The following ARMH4 variants were observed in gnomAD, a reference collection of about 807,000 sequenced individuals.
ARMH4 encodes the protein armadillo-like helical domain-containing protein 4.
ARMH4 carries 49 observed loss-of-function variants against 61.9 expected under a neutral mutation model. That is an observed-to-expected ratio of 0.79 (90% confidence interval 0.63 to 1.00). The LOEUF (loss-of-function observed/expected upper bound fraction) is 1.00. Among genes scored for constraint, ARMH4 ranks in the 50% least tolerant of loss-of-function variants. ARMH4 has a pLI of 0.00. For missense variants in ARMH4, 934 were observed against 930.0 expected, an observed-to-expected ratio of 1.00 and a Z score of -0.06; for synonymous variants, 368 against 341.5, an observed-to-expected ratio of 1.08 and a Z score of -0.85.
chr14:58,088,900 T>A lies in ARMH4; in HGVS notation c.2089+7824A>T, dbSNP rs906979927. ...TGTACAGCAACACTTCTGAAAATGC[T>A]CTTTCTCCATCTCCCTACATAAACA... is the stretch of plus-strand genomic sequence containing the variant. On this transcript the variant is annotated intron_variant, in intron 5 of 7. Coordinates refer to ENST00000267485, the MANE Select transcript of ARMH4 (RefSeq NM_001001872.4). 5.5e-4 allele frequency among the ~76,000 whole-genome samples: 83 copies of A among 152,216 alleles called. 1 individual carries two copies. The highest frequency in any genetic ancestry group is 1.9e-3 in the African/African-American group (78 of 41,452).
intron 5 of ARMH4, among the ~76,000 whole-genome samples, chr14:58,072,277 G>A (rs1318102326): frequency 6.6e-6 from 1 of 152,146 alleles, no homozygotes; most frequent in Admixed American, 6.5e-5. Context: ...TTTTTCTGAA[G>A]AGACTTATTG....
intron 5 of ARMH4, among the ~76,000 whole-genome samples, chr14:58,051,459 G>T (rs559859142): frequency 6.6e-6 from 1 of 152,160 alleles, no homozygotes; most frequent in African/African-American, 2.4e-5. Context: ...GTCTAGGCCA[G>T]GACTACTGAA....
chr14:58,097,352 C>A (rs1163802113), intron 4 of ARMH4, among the ~76,000 whole-genome samples: 1 of 152,162 alleles, frequency 6.6e-6, no homozygotes, highest in Non-Finnish European at 1.5e-5. Flanking sequence ...ACTAACAGAA[C>A]TTAAAAGAAG....
intron 1 of ARMH4, among the ~76,000 whole-genome samples, chr14:58,139,999 G>A (rs1246099869): frequency 1.3e-5 from 2 of 152,180 alleles, no homozygotes; most frequent in African/African-American, 2.4e-5. Context: ...GCCAGGCACA[G>A]TGGCTCACAC....
chr14:58,115,898 G>C (rs1053909562), intron 4 of ARMH4, among the ~76,000 whole-genome samples: 2 of 152,036 alleles, frequency 1.3e-5, no homozygotes, highest in Admixed American at 6.6e-5. Flanking sequence ...CAGACACTGG[G>C]GCCTACTTGA....
At chr14:58,098,777 T>A (rs2064509013) in intron 4 of ARMH4, among the ~76,000 whole-genome samples, 1 of 142,954 alleles carries the variant, frequency 7.0e-6, no homozygotes, top group South Asian at 2.8e-4. Flanking sequence ...AGATCTGACT[T>A]TTTTTTTTTT....
intron 4 of ARMH4, among the ~76,000 whole-genome samples, chr14:58,105,926 T>G (rs971904307): frequency 2.0e-5 from 3 of 152,158 alleles, no homozygotes; most frequent in African/African-American, 7.2e-5. Flanking sequence ...TAACCAACAC[T>G]TCTTTTTCAC....
At chr14:58,100,405 G>A (rs542807386) in intron 4 of ARMH4, among the ~76,000 whole-genome samples, 14 of 152,286 alleles carry the variant, frequency 9.2e-5, no homozygotes, top group Middle Eastern at 3.4e-3. Context: ...CTGCTTGGGC[G>A]CAGGCATGGG....
chr14:58,059,130 A>G (rs1351751320), intron 5 of ARMH4, among the ~76,000 whole-genome samples: 1 of 152,246 alleles, frequency 6.6e-6, no homozygotes, highest in Non-Finnish European at 1.5e-5. Context: ...TTAAGGTTGA[A>G]CAAGTAATCT....
chr14:58,112,317 C>G (rs1034515507), intron 4 of ARMH4, among the ~76,000 whole-genome samples: 8 of 67,276 alleles, frequency 1.2e-4, no homozygotes, highest in Non-Finnish European at 6.3e-5. Context: ...TTTTCTTATT[C>G]TATTTTCCCC....
At chr14:58,137,313 TG>T (rs1378109134) in intron 2 of ARMH4, among the ~76,000 whole-genome samples, 2 of 152,160 alleles carry the variant, frequency 1.3e-5, no homozygotes, top group Admixed American at 1.3e-4. Flanking sequence ...AAATGTCCCC[TG>T]GGGGAAGGGG....
chr14:58,133,651 CAGTT>C (rs1887204255), intron 2 of ARMH4, among the ~76,000 whole-genome samples: 1 of 152,144 alleles, frequency 6.6e-6, no homozygotes, highest in South Asian at 2.1e-4. Context: ...TCAACATAAT[CAGTT>C]TGTTAAGAAA....
intron 1 of ARMH4, among the ~76,000 whole-genome samples, chr14:58,143,398 T>TG (rs1311570540): frequency 1.3e-5 from 2 of 152,204 alleles, no homozygotes; most frequent in African/African-American, 4.8e-5. Context: ...CATATGCTGA[T>TG]GGGGGTTTGA....
At position 58,138,182 on chromosome 14, in the gene ARMH4, T is replaced by A. The variant is rs979554071; in HGVS notation, c.1177A>T (p.Thr393Ser). ...GTGGGGGTAAAGGAACTTTGATCAG[T>A]GAAAGCAGGTGATCTCTCATTCCCA... ...AHGNERSPAFTDQSSFTPTSL... is the reference protein window; with the variant it reads ...AHGNERSPAFSDQSSFTPTSL... The change falls in exon 2 of 8, where the codon ACT becomes TCT. Residue 393 changes from threonine to serine, a missense_variant. Coordinates refer to ENST00000267485, the MANE Select transcript of ARMH4 (RefSeq NM_001001872.4). 5 of 1,614,054 alleles carry A rather than the reference T, an allele frequency of 3.1e-6. No homozygotes were observed. Among genetic ancestry groups the A allele is most frequent in the Non-Finnish European group, 4.2e-6 (5 of 1,180,040 alleles).
In ARMH4 at chr14:58,139,039, T is replaced by G; in HGVS notation, c.320A>C (p.Glu107Ala). The G allele has an allele frequency of 6.2e-7, 1 of 1,614,224 alleles. No individual in the cohort carries two copies. The highest frequency in any genetic ancestry group is 8.5e-7 in the Non-Finnish European group (1 of 1,180,042). The change falls in exon 2 of 8, where the codon GAA becomes GCA. Residue 107 changes from glutamate (E) to alanine (A), a missense_variant. Transcript: ENST00000267485. ...AGTAGGTGTGGAAACACCAGGGCGTTCTGTTTGCATGAGCCCAGCTTGTCC... is the reference window on the plus strand; with the variant it reads ...AGTAGGTGTGGAAACACCAGGGCGTGCTGTTTGCATGAGCCCAGCTTGTCC... ...QPGQAGLMQT[E>A]RPGVSTPTES...
At chr14:58,119,136 T>C (rs1275590492) in intron 4 of ARMH4, among the ~76,000 whole-genome samples, 1 of 152,228 alleles carries the variant, frequency 6.6e-6, no homozygotes, top group Non-Finnish European at 1.5e-5. Flanking sequence ...AGGACCAATG[T>C]AATGCTTCCA....
chr14:58,045,348 C>A (rs1398598349), intron 5 of ARMH4, among the ~76,000 whole-genome samples: 1 of 152,034 alleles, frequency 6.6e-6, no homozygotes, highest in Middle Eastern at 3.2e-3. Context: ...CATTCTCAGC[C>A]AACTATCGCA....
rs758175485 is a variant in ARMH4, at chr14:58,138,527, CG to C, written c.831del (p.Glu278SerfsTer4). The C allele has an allele frequency of 8.1e-6, 13 of 1,614,082 alleles. No homozygotes were observed. The African/African-American group carries it at 1.3e-4, about 17-fold the overall frequency. On this transcript the variant is annotated frameshift_variant, in exon 2 of 8. Transcript: ENST00000267485. LOFTEE classifies it high-confidence loss of function. ...AAATKQPLET[S>X]EYTLSVEPET... is the part of the protein sequence containing the mutation. ...TCTGGCTCAACACTCAGGGTGTACT[CG>C]GAAGTTTCGAGTGGTTGCTTGGTGG...
chr14:58,062,648 A>G (rs1436714096), intron 5 of ARMH4, among the ~76,000 whole-genome samples: 5 of 152,226 alleles, frequency 3.3e-5, no homozygotes, highest in Non-Finnish European at 7.3e-5. Context: ...TTCTAGCTAT[A>G]TTAACTTTTT....
Sources: allele counts gnomAD v4.1 joint callset (sites outside exome capture counted in the v4.1 genomes callset), GRCh38; gene constraint gnomAD v4.1.1; transcripts MANE v1.5; gene names NCBI Gene and HGNC (gene_info 2026-07-23, HGNC 2026-07-21).